Variants in FRMD6 observed in about 807,000 individuals in gnomAD.
The protein encoded by FRMD6 is FERM domain containing 6, also known as FERM domain-containing protein 6.
FRMD6 carries 37 observed loss-of-function variants against 73.2 expected under a neutral mutation model. That is an observed-to-expected ratio of 0.51 (90% CI 0.39 to 0.66). The LOEUF (loss-of-function observed/expected upper bound fraction) is 0.66, where lower values mean the gene tolerates loss of function less well. Ranked by LOEUF, FRMD6 falls within the 30% of genes least tolerant of loss-of-function variation. The pLI, the probability that FRMD6 is intolerant of heterozygous loss-of-function variation, is 0.00. For missense variants in FRMD6, 714 were observed against 780.5 expected, an observed-to-expected ratio of 0.91 and a Z score of 1.02; for synonymous variants, 273 against 282.2, an observed-to-expected ratio of 0.97 and a Z score of 0.33.
At chr14:51,672,226 G>A (rs1894059453) in intron 1 of FRMD6, among the ~76,000 whole-genome samples, 1 of 152,206 alleles carries the variant, frequency 6.6e-6, no homozygotes, top group African/African-American at 2.4e-5. Flanking sequence ...ACTGTCTGGA[G>A]AGCCAAAGAA....
At chr14:51,552,739 CA>C (rs1005349423) in intron 1 of FRMD6, among the ~76,000 whole-genome samples, 1 of 152,114 alleles carries the variant, frequency 6.6e-6, no homozygotes, top group Non-Finnish European at 1.5e-5. Flanking sequence ...ACTATGCAAG[CA>C]AAACAAAATC....
At chr14:51,482,265 T>C in the FRMD6 span, among the ~76,000 whole-genome samples, 1 of 152,196 alleles carries the variant, frequency 6.6e-6, no homozygotes, top group African/African-American at 2.4e-5. Context: ...CTGGGGCTTA[T>C]GTCATGGCAC....
chr14:51,408,545 G>T, the FRMD6 span, among the ~76,000 whole-genome samples: 1 of 151,982 alleles, frequency 6.6e-6, no homozygotes, highest in African/African-American at 2.4e-5. Flanking sequence ...TTTCAACTCT[G>T]TCAAATCAAC....
intron 2 of FRMD6, among the ~76,000 whole-genome samples, chr14:51,642,492 C>T (rs768961318): frequency 5.9e-5 from 9 of 152,148 alleles, no homozygotes; most frequent in Non-Finnish European, 1.2e-4. Context: ...GCCGAGATCA[C>T]GCCATTGCCC....
rs376319053 is a variant in FRMD6 at position 51,535,846 on chromosome 14, GT to G, written c.-209-34501del. Among the ~76,000 whole-genome samples, 31 of 152,008 alleles carry G rather than the reference GT, an allele frequency of 2.0e-4. No individual in the cohort carries two copies. In the South Asian group the frequency reaches 6.2e-3, roughly 31 times the overall value. On this transcript the variant is annotated intron_variant, in intron 1 of 14. Transcript: ENST00000356218. The stretch of plus-strand genomic sequence containing the variant: ...AGGGTTCCAATTTATCCACATCCTT[GT>G]CTACACTTATTATTGTCTGATTTTT...
At chr14:51,406,099 C>T in the FRMD6 span, among the ~76,000 whole-genome samples, 1 of 152,032 alleles carries the variant, frequency 6.6e-6, no homozygotes, top group Non-Finnish European at 1.5e-5. Context: ...GAATCCTTTC[C>T]CCATTGCTTG....
intron 1 of FRMD6, among the ~76,000 whole-genome samples, chr14:51,557,820 G>A (rs181314770): frequency 2.2e-3 from 336 of 152,224 alleles, no homozygotes; most frequent in Middle Eastern, 0.01. Context: ...GTCGAGAGAG[G>A]GAGGAGGGTG....
rs1898207874 is a variant in FRMD6, at chr14:51,730,609, A to G, written c.*2580A>G. 1 of 152,586 alleles carries G rather than the reference A, an allele frequency of 6.6e-6. No individual in the cohort carries two copies. Among genetic ancestry groups the G allele is most frequent in the Non-Finnish European group, 1.5e-5 (1 of 68,024 alleles). The allele number at this position is 152,586 out of a possible 1,614,324, so 9.5% of individuals were successfully genotyped here. On this transcript the variant is annotated 3_prime_UTR_variant, in exon 14 of 14. Coordinates refer to ENST00000344768, the MANE Select transcript of FRMD6 (RefSeq NM_001267046.2). Reference sequence around the variant, plus strand: ...AAATAATCCTTTCTGTGAAAGGATCATCATATCAAGATGATACCAAAAGTA... The same window carrying G: ...AAATAATCCTTTCTGTGAAAGGATCGTCATATCAAGATGATACCAAAAGTA...
At chr14:51,538,465 T>C (rs919857131) in intron 1 of FRMD6, among the ~76,000 whole-genome samples, 6 of 152,186 alleles carry the variant, frequency 3.9e-5, no homozygotes, top group Admixed American at 1.3e-4. Flanking sequence ...AGCTAAGAAA[T>C]CATTGCCTAA....
chr14:51,682,682 T>C (rs1160689034), intron 1 of FRMD6, among the ~76,000 whole-genome samples: 2 of 152,198 alleles, frequency 1.3e-5, no homozygotes, highest in Non-Finnish European at 2.9e-5. Context: ...TTTCTTACCA[T>C]GTGGCATCAA....
chr14:51,681,546 T>C (rs1007940030), intron 1 of FRMD6, among the ~76,000 whole-genome samples: 66 of 152,302 alleles, frequency 4.3e-4, no homozygotes, highest in African/African-American at 1.6e-3. Flanking sequence ...GGGAAGTGTC[T>C]GAGCTTGGGT....
chr14:51,708,031 C>T (rs773283898), intron 6 of FRMD6, 47 bp from the exon 7 acceptor site: 122 of 1,591,172 alleles, frequency 7.7e-5, no homozygotes, highest in Non-Finnish European at 9.3e-5. Flanking sequence ...GTAGAACTTA[C>T]ATCTCTCCAA....
At chr14:51,613,595 A>G (rs539205708) in intron 2 of FRMD6, among the ~76,000 whole-genome samples, 7 of 152,290 alleles carry the variant, frequency 4.6e-5, no homozygotes, top group Admixed American at 3.9e-4. Context: ...AAGGCAGCGC[A>G]ACTCCAAATG....
At chr14:51,430,378 A>C in the FRMD6 span, among the ~76,000 whole-genome samples, 2,146 of 152,316 alleles carry the variant, frequency 0.014, 32 homozygotes, top group Middle Eastern at 0.048. Context: ...CCTTTCCCAA[A>C]GTATTCTTTT....
chr14:51,549,572 G>C (rs1214766726), intron 1 of FRMD6, among the ~76,000 whole-genome samples: 2 of 148,962 alleles, frequency 1.3e-5, no homozygotes, highest in Admixed American at 6.7e-5. Context: ...TCCACAGCTG[G>C]AGTATAAACT....
intron 1 of FRMD6, among the ~76,000 whole-genome samples, chr14:51,678,404 T>C (rs981576523): frequency 2.0e-5 from 3 of 152,144 alleles, no homozygotes; most frequent in African/African-American, 7.2e-5. Flanking sequence ...GTGGACAGTG[T>C]TGGAGGATCG....
At chr14:51,587,607 T>A (rs141435683) in intron 2 of FRMD6, among the ~76,000 whole-genome samples, 35 of 152,240 alleles carry the variant, frequency 2.3e-4, no homozygotes, top group African/African-American at 7.9e-4. Flanking sequence ...TTGATCTGGG[T>A]GATCTAGAGG....
intron 1 of FRMD6, among the ~76,000 whole-genome samples, chr14:51,560,011 T>C (rs1427873609): frequency 6.6e-6 from 1 of 152,212 alleles, no homozygotes; most frequent in African/African-American, 2.4e-5. Flanking sequence ...TTAAGACATT[T>C]CTGCTAGTCT....
At chr14:51,620,741 T>C (rs568587149) in intron 2 of FRMD6, among the ~76,000 whole-genome samples, 1 of 152,250 alleles carries the variant, frequency 6.6e-6, no homozygotes, top group African/African-American at 2.4e-5. Flanking sequence ...GACATGACAA[T>C]GCACAGACCC....
Sources: allele counts gnomAD v4.1 joint callset (sites outside exome capture counted in the v4.1 genomes callset), GRCh38; gene constraint gnomAD v4.1.1; transcripts MANE v1.5; gene names NCBI Gene and HGNC (gene_info 2026-07-23, HGNC 2026-07-21).